The following CCNF variants were observed in gnomAD, a reference collection of about 807,000 sequenced individuals.
CCNF encodes the protein cyclin-F.
Under a neutral mutation model 85.4 loss-of-function variants are expected in CCNF, and 30 were observed. That is an observed-to-expected ratio of 0.35 (90% CI 0.26 to 0.48). CCNF has a LOEUF of 0.48. Among genes scored for constraint, CCNF ranks in the 20% least tolerant of loss-of-function variants. The pLI is 0.99. For missense variants in CCNF, 919 were observed against 1,010.4 expected (o/e 0.91, Z 1.23); for synonymous variants, 439 against 425.1 (o/e 1.03, Z -0.40).
chr16:2,450,801 G>A (rs1191982326), intron 13 of CCNF, among the ~76,000 whole-genome samples: 3 of 151,858 alleles, frequency 2.0e-5, no homozygotes, highest in Non-Finnish European at 4.4e-5. Context: ...CTCTGGCGGT[G>A]GCTGAGCTCA....
chr16:2,432,026 T>G (rs2141813033), intron 2 of CCNF, among the ~76,000 whole-genome samples: 1 of 152,128 alleles, frequency 6.6e-6, no homozygotes, highest in East Asian at 1.9e-4. Flanking sequence ...GAGTTGGGGT[T>G]TCACTGTGTT....
rs2065392973 is a variant in CCNF, at chr16:2,451,143, T to C, written c.1487+1228T>C. 6.6e-6 allele frequency among the ~76,000 whole-genome samples: 1 copy of C among 152,226 alleles called. No individual in the cohort carries two copies. The highest frequency in any genetic ancestry group is 1.5e-5 in the Non-Finnish European group (1 of 68,036). ...TGTTCCATGCAGTTCATGAAGTCCCTACCGTGGTCCAGGCGCTGGGGGAGA... is the reference window on the plus strand; with the variant it reads ...TGTTCCATGCAGTTCATGAAGTCCCCACCGTGGTCCAGGCGCTGGGGGAGA... On this transcript the variant is annotated intron_variant, in intron 13 of 16. Coordinates refer to ENST00000397066, the MANE Select transcript of CCNF (RefSeq NM_001761.3). The surrounding 1 kb of genome is among the most constrained non-coding windows in gnomAD (Gnocchi z 4.3).
intron 10 of CCNF, among the ~76,000 whole-genome samples, chr16:2,446,050 G>A (rs1567387897): frequency 6.6e-6 from 1 of 152,186 alleles, no homozygotes; most frequent in Non-Finnish European, 1.5e-5. Context: ...CTTGACTCAT[G>A]AGCCACGAGT....
In CCNF at chr16:2,434,092, G is replaced by A. The variant is rs200670134; in HGVS notation, c.278+1025G>A. Reference sequence around the variant, plus strand: ...AGGCCAAGGCGGGTGGATCACTTGAGGTCGGGAGTTCGAGACCAGCCCGGC... The same window carrying A: ...AGGCCAAGGCGGGTGGATCACTTGAAGTCGGGAGTTCGAGACCAGCCCGGC... On this transcript the variant is annotated intron_variant, in intron 3 of 16. Transcript: ENST00000397066. Among the ~76,000 whole-genome samples, 22 of 151,596 alleles carry A rather than the reference G, an allele frequency of 1.5e-4. No homozygotes were observed. In the East Asian group the frequency reaches 3.7e-3, roughly 26 times the overall value.
At chr16:2,446,079 T>C (rs2065360898) in intron 10 of CCNF, among the ~76,000 whole-genome samples, 1 of 152,150 alleles carries the variant, frequency 6.6e-6, no homozygotes, top group South Asian at 2.1e-4. Context: ...TGGTCAGACA[T>C]GGAGTGCCAC....
At chr16:2,446,615 G>A (rs575997317) in intron 10 of CCNF, among the ~76,000 whole-genome samples, 7 of 152,342 alleles carry the variant, frequency 4.6e-5, no homozygotes, top group South Asian at 2.1e-4. Context: ...TTTCCAGACC[G>A]ACTCCTCTGT....
In CCNF at chr16:2,433,003, G is replaced by A. The variant is rs2065270427; in HGVS notation, c.214G>A (p.Val72Met). 3.7e-6 allele frequency: 6 copies of A among 1,611,422 alleles called. No individual in the cohort carries two copies. Among genetic ancestry groups the A allele is most frequent in the Non-Finnish European group, 5.1e-6 (6 of 1,177,962 alleles). ...GGACCTGGTGGACAACCACGCCAGT[G>A]TGTGGGCATGTGCCAGCTTCCAGGA... ...LKDLVDNHAS[V>M]WACASFQELW... The change falls in exon 3 of 17, where the codon GTG becomes ATG. Residue 72 changes from valine (V) to methionine (M), a missense_variant. Coordinates refer to ENST00000397066, the MANE Select transcript of CCNF (RefSeq NM_001761.3).
chr16:2,441,523 T>C (rs980835197), intron 8 of CCNF, among the ~76,000 whole-genome samples: 7 of 151,758 alleles, frequency 4.6e-5, no homozygotes, highest in Non-Finnish European at 8.8e-5. Flanking sequence ...TCCCAACACT[T>C]TGGGAGGCTG....
At position 2,443,820 on chromosome 16, in the gene CCNF, G is replaced by T; in HGVS notation, c.929+20G>T. The T allele has an allele frequency of 6.2e-7, 1 of 1,612,938 alleles. No homozygotes were observed. The highest frequency in any genetic ancestry group is 2.2e-5 in the East Asian group (1 of 44,842). ...AATGAGGTGAGGCATTCAGGCCGGG[G>T]CTTCTAATCAGAGCGGCGCGGAAGC... On this transcript the variant is annotated intron_variant, in intron 9 of 16. Transcript: ENST00000397066.
At chr16:2,447,818 C>T (rs1380006041) in intron 10 of CCNF, among the ~76,000 whole-genome samples, 1 of 152,148 alleles carries the variant, frequency 6.6e-6, no homozygotes, top group Non-Finnish European at 1.5e-5. Flanking sequence ...GCCCTGCCCC[C>T]ACCAGCCATC....
At position 2,451,574 on chromosome 16, in the gene CCNF, CTTTTT is replaced by C. The variant is rs1352919258; in HGVS notation, c.1488-1634_1488-1630del. Among the ~76,000 whole-genome samples the C allele has an allele frequency of 6.6e-6, 1 of 151,908 alleles. No individual in the cohort carries two copies. The highest frequency in any genetic ancestry group is 1.5e-5 in the Non-Finnish European group (1 of 67,928). The stretch of plus-strand genomic sequence containing the variant: ...ACTCAGCGGTGTGGGCTTTTTTTTC[CTTTTT>C]TGAGTTGGGGGCCCAGGCTGGAGTG... On this transcript the variant is annotated intron_variant, in intron 13 of 16. Transcript: ENST00000397066. This position sits in a 1 kb window ranked among gnomAD's most constrained non-coding sequence, Gnocchi z 4.3.
chr16:2,456,051 C>T lies in CCNF; in HGVS notation c.1885+487C>T, dbSNP rs373302631. Among the ~76,000 whole-genome samples, 5 of 152,224 alleles carry T rather than the reference C, an allele frequency of 3.3e-5. No homozygotes were observed. Among genetic ancestry groups the T allele is most frequent in the African/African-American group, 1.2e-4 (5 of 41,458 alleles). On this transcript the variant is annotated intron_variant, in intron 16 of 16. Transcript: ENST00000397066. The surrounding 1 kb of genome is among the most constrained non-coding windows in gnomAD (Gnocchi z 4.5). ...TGGCGTGCGCCTGTGGTCCCAGCTACTCAGGAGGCTGAGGTGGGAGGATCT... is the reference window on the plus strand; with the variant it reads ...TGGCGTGCGCCTGTGGTCCCAGCTATTCAGGAGGCTGAGGTGGGAGGATCT...
At position 2,430,009 on chromosome 16, in the gene CCNF, A is replaced by G. The variant is rs1184505041; in HGVS notation, c.16+512A>G. ...ACGAACTGTGGTTTCAGCTATTATC[A>G]TAGTATCTGTCCTGGAGCCGGAGAA... On this transcript the variant is annotated intron_variant, in intron 1 of 16. Coordinates refer to ENST00000397066, the MANE Select transcript of CCNF (RefSeq NM_001761.3). Among the ~76,000 whole-genome samples the G allele has an allele frequency of 3.9e-5, 6 of 152,344 alleles. No homozygotes were observed. In the East Asian group the frequency reaches 5.8e-4, roughly 15 times the overall value.
Position 2,429,717 on chromosome 16 carries a change from C to A in CCNF, c.16+220C>A, listed in dbSNP as rs558792335. Among the ~76,000 whole-genome samples, 14 of 152,216 alleles carry A rather than the reference C, an allele frequency of 9.2e-5. No individual in the cohort carries two copies. In the South Asian group the frequency reaches 2.9e-3, roughly 32 times the overall value. ...GGGCGCCCGAGCCCCTCGGAGCCTT[C>A]CCCCGCGGCGACGTTTTCCGGCCCT... On this transcript the variant is annotated intron_variant, in intron 1 of 16. Coordinates refer to ENST00000397066, the MANE Select transcript of CCNF (RefSeq NM_001761.3).
At chr16:2,435,703 A>ATATT in intron 3 of CCNF, 103 bp from the exon 4 acceptor site, 1 of 511,008 alleles carries the variant, frequency 2.0e-6, no homozygotes, top group South Asian at 2.2e-5. Flanking sequence ...ATATATATAT[A>ATATT]TTCAATTCAG....
At position 2,449,880 on chromosome 16, in the gene CCNF, C is replaced by T. The variant is rs766390922; in HGVS notation, c.1452C>T (p.Asp484=). ...LWDLTGFSYE[D]LIPCVLSLHK... is the part of the protein sequence containing the mutation. ...ACCTCACCGGATTCTCCTATGAAGA[C>T]CTCATTCCCTGCGTCTTGAGCCTCC... Residue 484 remains aspartate, a synonymous_variant, in exon 13 of 17, where the codon GAC becomes GAT. Transcript: ENST00000397066. 6 of 1,612,678 alleles carry T rather than the reference C, an allele frequency of 3.7e-6. No individual in the cohort carries two copies. Among genetic ancestry groups the T allele is most frequent in the Admixed American group, 1.7e-5 (1 of 59,928 alleles).
At chr16:2,432,632 C>G (rs546624372) in intron 2 of CCNF, among the ~76,000 whole-genome samples, 4 of 152,182 alleles carry the variant, frequency 2.6e-5, no homozygotes, top group African/African-American at 7.2e-5. Flanking sequence ...TTCCGTCCTG[C>G]CTGCCCCCTT....
chr16:2,445,707 T>A, intron 10 of CCNF, 85 bp downstream of exon 10: 1 of 1,238,604 alleles, frequency 8.1e-7, no homozygotes, highest in Non-Finnish European at 1.1e-6. Flanking sequence ...TGCTCCTCAC[T>A]GGTTTGGTTT....
At chr16:2,434,442 G>A (rs2065277525) in intron 3 of CCNF, among the ~76,000 whole-genome samples, 2 of 152,180 alleles carry the variant, frequency 1.3e-5, no homozygotes, top group African/African-American at 2.4e-5. Flanking sequence ...GTGAAACCCT[G>A]TCTCTACTAA....
Sources: allele counts gnomAD v4.1 joint callset (sites outside exome capture counted in the v4.1 genomes callset), GRCh38; gene constraint gnomAD v4.1.1; non-coding constraint Gnocchi (gnomAD v3.1); transcripts MANE v1.5; gene names NCBI Gene and HGNC (gene_info 2026-07-23, HGNC 2026-07-21).